AGBL1: variants seen among roughly 807,000 people sequenced by gnomAD.
The protein encoded by AGBL1 is cytosolic carboxypeptidase 4.
AGBL1 carries 130 observed loss-of-function variants against 118.9 expected under a neutral mutation model. The observed-to-expected ratio is 1.09, with a 90% CI of 0.95 to 1.26. The LOEUF (loss-of-function observed/expected upper bound fraction) is 1.26. Among genes scored for constraint, AGBL1 ranks in the 50% most tolerant of loss-of-function variants. AGBL1 has a pLI of 0.00. For missense variants in AGBL1, 1,584 were observed against 1,298.1 expected (o/e 1.22, Z -3.38); for synonymous variants, 555 against 478.9 (o/e 1.16, Z -2.08).
At chr15:86,776,779 TGTGTGTGTGTGA>T (rs767054544) in intron 22 of AGBL1, among the ~76,000 whole-genome samples, 19 of 146,140 alleles carry the variant, frequency 1.3e-4, no homozygotes, top group Middle Eastern at 3.6e-3. Flanking sequence ...TGTGTGTGTG[TGTGTGTGTGTGA>T]GAGAGAGAGA....
chr15:86,525,471 G>T (rs1004125553), intron 19 of AGBL1, among the ~76,000 whole-genome samples: 1 of 152,072 alleles, frequency 6.6e-6, no homozygotes, highest in African/African-American at 2.4e-5. Flanking sequence ...TCACATTACT[G>T]GATTTCAAGT....
At chr15:86,340,294 GCC>G (rs34405404) in intron 17 of AGBL1, among the ~76,000 whole-genome samples, 88 of 149,378 alleles carry the variant, frequency 5.9e-4, no homozygotes, top group Middle Eastern at 3.4e-3. Flanking sequence ...TGCCTCCACT[GCC>G]CCCCCCCCAT....
intron 22 of AGBL1, among the ~76,000 whole-genome samples, chr15:86,681,969 C>G (rs1174043974): frequency 6.6e-6 from 1 of 152,142 alleles, no homozygotes. Flanking sequence ...AGGATGGAGT[C>G]TTAGTAGAAT....
At chr15:86,743,961 G>C (rs1184106426) in intron 22 of AGBL1, among the ~76,000 whole-genome samples, 2 of 152,008 alleles carry the variant, frequency 1.3e-5, no homozygotes, top group Non-Finnish European at 2.9e-5. Flanking sequence ...AGATAACTTA[G>C]AAGTAAAATA....
chr15:86,677,554 C>A (rs1341960281), intron 22 of AGBL1, among the ~76,000 whole-genome samples: 1 of 152,126 alleles, frequency 6.6e-6, no homozygotes, highest in Admixed American at 6.5e-5. Flanking sequence ...CTGTTCGTCT[C>A]GATTTGTATC....
intron 22 of AGBL1, among the ~76,000 whole-genome samples, chr15:86,895,817 T>A (rs2141568452): frequency 6.6e-6 from 1 of 152,218 alleles, no homozygotes; most frequent in African/African-American, 2.4e-5. Flanking sequence ...ATAATCTGTC[T>A]TTATTTCTCA....
chr15:86,272,009 T>C (rs373503463), intron 15 of AGBL1, among the ~76,000 whole-genome samples: 1 of 152,230 alleles, frequency 6.6e-6, no homozygotes, highest in African/African-American at 2.4e-5. Context: ...CTGTGATTAG[T>C]GTGTCAAGCC....
chr15:86,344,131 A>G (rs75141809), intron 17 of AGBL1, among the ~76,000 whole-genome samples: 3,788 of 152,268 alleles, frequency 0.025, 115 homozygotes, highest in African/African-American at 0.07. Context: ...TCTATTGTAA[A>G]TGTGTATTGA....
intron 22 of AGBL1, among the ~76,000 whole-genome samples, chr15:86,826,506 G>C (rs927246934): frequency 6.6e-6 from 1 of 152,086 alleles, no homozygotes; most frequent in African/African-American, 2.4e-5. Context: ...CCTTACACTT[G>C]AACTTTAGAG....
rs1322416099 is a variant in AGBL1 at position 86,552,554 on chromosome 15, T to C, written c.2818-1807T>C. 2.6e-5 allele frequency among the ~76,000 whole-genome samples: 4 copies of C among 152,320 alleles called. No homozygotes were observed. The East Asian group carries it at 7.7e-4, about 29-fold the overall frequency. Reference sequence around the variant, plus strand: ...GGTCTGGACTAGCAGATTCTATTTATTTTAGCAAATAATTATGTAGTAACC... The same window carrying C: ...GGTCTGGACTAGCAGATTCTATTTACTTTAGCAAATAATTATGTAGTAACC... On this transcript the variant is annotated intron_variant, in intron 20 of 22. Transcript: ENST00000614907.
At chr15:86,623,193 C>T (rs929809391) in intron 21 of AGBL1, among the ~76,000 whole-genome samples, 4 of 152,152 alleles carry the variant, frequency 2.6e-5, no homozygotes, top group Admixed American at 6.5e-5. Flanking sequence ...GAGAAGGAAT[C>T]GCAAGTGCAA....
At chr15:86,198,237 A>C (rs1011476201) in intron 5 of AGBL1, among the ~76,000 whole-genome samples, 2 of 152,142 alleles carry the variant, frequency 1.3e-5, no homozygotes, top group Non-Finnish European at 2.9e-5. Context: ...TACCTGTCCT[A>C]ATATTGTATT....
intron 21 of AGBL1, among the ~76,000 whole-genome samples, chr15:86,638,946 T>C (rs2085147937): frequency 6.6e-6 from 1 of 152,070 alleles, no homozygotes; most frequent in Non-Finnish European, 1.5e-5. Flanking sequence ...TTCCGAGTTC[T>C]CTCCGTGCTG....
At chr15:86,398,555 C>A (rs1338147881) in intron 18 of AGBL1, among the ~76,000 whole-genome samples, 2 of 151,352 alleles carry the variant, frequency 1.3e-5, no homozygotes, top group Admixed American at 1.3e-4. Flanking sequence ...TAAAATAGAG[C>A]AATATTAAAA....
intron 1 of AGBL1, among the ~76,000 whole-genome samples, chr15:86,095,647 C>CTT (rs397854465): frequency 0.061 from 945 of 15,460 alleles, 30 homozygotes; most frequent in African/African-American, 0.13. Flanking sequence ...CCTTGGATAC[C>CTT]TTTTTTTTTT....
chr15:86,826,407 A>G (rs1204129241), intron 22 of AGBL1, among the ~76,000 whole-genome samples: 1 of 152,152 alleles, frequency 6.6e-6, no homozygotes, highest in Non-Finnish European at 1.5e-5. Flanking sequence ...AAATATTAGA[A>G]TTGATTTATT....
chr15:86,706,136 G>A (rs1014686488), intron 22 of AGBL1, among the ~76,000 whole-genome samples: 3 of 151,714 alleles, frequency 2.0e-5, no homozygotes, highest in African/African-American at 7.3e-5. Flanking sequence ...TTGTCTATAT[G>A]GATTATGAAT....
At chr15:86,690,334 T>C (rs2086141390) in intron 22 of AGBL1, among the ~76,000 whole-genome samples, 1 of 152,120 alleles carries the variant, frequency 6.6e-6, no homozygotes, top group Non-Finnish European at 1.5e-5. Flanking sequence ...ATACAGTGTT[T>C]GGAAAGACTT....
At chr15:86,975,981 G>T (rs554978723) in intron 23 of AGBL1, among the ~76,000 whole-genome samples, 1 of 152,086 alleles carries the variant, frequency 6.6e-6, no homozygotes, top group Non-Finnish European at 1.5e-5. Flanking sequence ...GCTCAGTAAT[G>T]ATAGCTGAGT....
Sources: gnomAD v4.1 joint callset for allele counts (sites outside exome capture counted in the v4.1 genomes callset) on GRCh38, gnomAD v4.1.1 for gene constraint, MANE v1.5 for transcripts, NCBI Gene and HGNC (gene_info 2026-07-23, HGNC 2026-07-21) for gene names.